The following ATXN7L1 variants were observed in gnomAD, a reference collection of about 807,000 sequenced individuals.
ATXN7L1 encodes the protein ataxin 7 like 1.
A neutral mutation model predicts 70.8 loss-of-function variants in ATXN7L1; 15 were observed. The observed-to-expected ratio is 0.21, with a 90% CI of 0.14 to 0.33. The LOEUF is 0.33. ATXN7L1 is among the 10% of genes least tolerant of loss of function. The probability of loss-of-function intolerance (pLI) is 1.00; values close to 1 mark genes in which losing one functional copy is unlikely to be tolerated. For synonymous variants in ATXN7L1, 440 were observed against 445.1 expected (o/e 0.99, Z 0.14); for missense variants, 975 against 1,097.1 (o/e 0.89, Z 1.57).
intron 3 of ATXN7L1, among the ~76,000 whole-genome samples, chr7:105,767,334 C>G (rs975474872): frequency 6.6e-5 from 10 of 152,076 alleles, no homozygotes; most frequent in African/African-American, 2.4e-4. Context: ...CCTCCATAAG[C>G]CCCTATACTC....
At chr7:105,650,244 G>A (rs911885474) in intron 4 of ATXN7L1, among the ~76,000 whole-genome samples, 1 of 152,210 alleles carries the variant, frequency 6.6e-6, no homozygotes, top group African/African-American at 2.4e-5. Context: ...GACAGATACA[G>A]TTGATACTGC....
chr7:105,836,511 A>C lies in ATXN7L1; in HGVS notation c.250+39301T>G, dbSNP rs181730661. Among the ~76,000 whole-genome samples, 45 of 152,326 alleles carry C rather than the reference A, an allele frequency of 3.0e-4. No homozygotes were observed. In the East Asian group the frequency reaches 8.1e-3, roughly 27 times the overall value. ...CAGCTGAGGGTGATGTTTCCAGAGA[A>C]GCGGGGAAGGAAAAGTAAATTATCA... On this transcript the variant is annotated intron_variant, in intron 2 of 11. Coordinates refer to ENST00000419735, the MANE Select transcript of ATXN7L1 (RefSeq NM_020725.2).
At chr7:105,761,576 TA>T in intron 3 of ATXN7L1, 2 of 1,373,160 alleles carry the variant, frequency 1.5e-6, no homozygotes, top group Non-Finnish European at 2.0e-6. Flanking sequence ...CCCCCTAAAT[TA>T]AACACTGGTT....
intron 4 of ATXN7L1, among the ~76,000 whole-genome samples, chr7:105,657,702 CAA>C (rs71155465): frequency 0.012 from 308 of 26,040 alleles, no homozygotes; most frequent in African/African-American, 0.05. Context: ...GACCCTGTCT[CAA>C]AAAAAAAAAA....
chr7:105,683,005 A>G (rs1326502995), intron 3 of ATXN7L1, among the ~76,000 whole-genome samples: 1 of 152,248 alleles, frequency 6.6e-6, no homozygotes, highest in Non-Finnish European at 1.5e-5. Flanking sequence ...CTACAGCAGA[A>G]CAATTAGTTT....
intron 11 of ATXN7L1, among the ~76,000 whole-genome samples, chr7:105,608,893 T>A (rs1259734543): frequency 6.6e-6 from 1 of 152,124 alleles, no homozygotes; most frequent in Non-Finnish European, 1.5e-5. Flanking sequence ...CGGTTATATA[T>A]ACACGCACAC....
chr7:105,814,439 T>A (rs1808893973), intron 2 of ATXN7L1, among the ~76,000 whole-genome samples: 1 of 151,170 alleles, frequency 6.6e-6, no homozygotes, highest in African/African-American at 2.4e-5. Context: ...CCAGCAGGGT[T>A]TTTTTTTTCC....
At position 105,763,363 on chromosome 7, in the gene ATXN7L1, G is replaced by A. The variant is rs142099135; in HGVS notation, c.355+25241C>T. Among the ~76,000 whole-genome samples, 429 of 152,318 alleles carry A rather than the reference G, an allele frequency of 2.8e-3. 1 individual carries two copies. Among genetic ancestry groups the A allele is most frequent in the Non-Finnish European group, 2.9e-3 (199 of 68,018 alleles). Reference sequence around the variant, plus strand: ...TTTCCCAAGAAGGGGGAATGGAGGAGGGAGGAGCTCCCCAGGACCTGGGTT... The same window carrying A: ...TTTCCCAAGAAGGGGGAATGGAGGAAGGAGGAGCTCCCCAGGACCTGGGTT... On this transcript the variant is annotated intron_variant, in intron 3 of 11. Coordinates refer to ENST00000419735, the MANE Select transcript of ATXN7L1 (RefSeq NM_020725.2).
intron 3 of ATXN7L1, among the ~76,000 whole-genome samples, chr7:105,681,475 C>T (rs1173762820): frequency 6.6e-6 from 1 of 152,154 alleles, no homozygotes; most frequent in African/African-American, 2.4e-5. Flanking sequence ...GGTACAGCCA[C>T]TATGAAGAAG....
At chr7:105,608,140 G>C (rs1463647397) in intron 11 of ATXN7L1, among the ~76,000 whole-genome samples, 2 of 152,196 alleles carry the variant, frequency 1.3e-5, no homozygotes, top group African/African-American at 4.8e-5. Context: ...ACACAAGGAC[G>C]AATGCCGCGG....
At chr7:105,727,575 A>G (rs891805404) in intron 3 of ATXN7L1, among the ~76,000 whole-genome samples, 13 of 149,738 alleles carry the variant, frequency 8.7e-5, no homozygotes, top group African/African-American at 3.2e-4. Context: ...AGGCTGAGGC[A>G]TGAGAATTGC....
chr7:105,680,584 C>T (rs1045829086), intron 3 of ATXN7L1, among the ~76,000 whole-genome samples: 3 of 152,182 alleles, frequency 2.0e-5, no homozygotes, highest in Admixed American at 6.5e-5. Context: ...GACCAGCCCT[C>T]GTTTTCAGTC....
At chr7:105,822,894 T>C (rs74829621) in intron 2 of ATXN7L1, among the ~76,000 whole-genome samples, 14,656 of 152,214 alleles carry the variant, frequency 0.096, 871 homozygotes, top group East Asian at 0.22. Context: ...TTTTAACTTT[T>C]AAATTTTGTT....
chr7:105,828,791 C>T (rs1307386443), intron 2 of ATXN7L1, among the ~76,000 whole-genome samples: 1 of 152,110 alleles, frequency 6.6e-6, no homozygotes, highest in African/African-American at 2.4e-5. Flanking sequence ...AGAAAAAGTA[C>T]AGGGTTTGGA....
intron 3 of ATXN7L1, among the ~76,000 whole-genome samples, chr7:105,748,293 G>A (rs973264848): frequency 2.6e-5 from 4 of 152,168 alleles, no homozygotes; most frequent in Non-Finnish European, 5.9e-5. Flanking sequence ...AAAGGGCAGC[G>A]GTGGGATGCT....
At chr7:105,623,899 CT>C (rs1795293803) in intron 8 of ATXN7L1, among the ~76,000 whole-genome samples, 175 bp downstream of exon 8, 1 of 152,184 alleles carries the variant, frequency 6.6e-6, no homozygotes, top group Non-Finnish European at 1.5e-5. Context: ...CATTCCTTTC[CT>C]TTTGTAATGT....
intron 2 of ATXN7L1, among the ~76,000 whole-genome samples, chr7:105,815,755 G>T (rs188357850): frequency 1.3e-5 from 2 of 152,322 alleles, no homozygotes; most frequent in African/African-American, 4.8e-5. Flanking sequence ...CACAGCAAAA[G>T]GAAATCCCTG....
At chr7:105,812,559 C>T (rs926519234) in intron 2 of ATXN7L1, among the ~76,000 whole-genome samples, 7 of 152,136 alleles carry the variant, frequency 4.6e-5, no homozygotes, top group Admixed American at 6.5e-5. Flanking sequence ...GTCCTTAATA[C>T]GAAACAAAGC....
intron 2 of ATXN7L1, among the ~76,000 whole-genome samples, chr7:105,791,829 A>G (rs1000669624): frequency 6.6e-6 from 1 of 152,238 alleles, no homozygotes; most frequent in Non-Finnish European, 1.5e-5. Context: ...CAACAGGTCA[A>G]GCTATGAAGG....
Sources: gnomAD v4.1 joint callset for allele counts (sites outside exome capture counted in the v4.1 genomes callset) on GRCh38, gnomAD v4.1.1 for gene constraint, MANE v1.5 for transcripts, NCBI Gene and HGNC (gene_info 2026-07-23, HGNC 2026-07-21) for gene names.